Variants in LARS2 observed in about 807,000 individuals in gnomAD.
LARS2 encodes the protein leucyl-tRNA synthetase 2, mitochondrial, also known as leucine--tRNA ligase, mitochondrial.
Under a neutral mutation model 116.6 loss-of-function variants are expected in LARS2, and 81 were observed. The observed-to-expected ratio is 0.69, with a 90% CI of 0.58 to 0.84. LARS2 has a LOEUF of 0.84. Ranked by LOEUF, LARS2 falls within the 40% of genes least tolerant of loss-of-function variation. LARS2 has a pLI of 0.00. For missense variants in LARS2, 968 were observed against 1,114.5 expected, an observed-to-expected ratio of 0.87 and a Z score of 1.87; for synonymous variants, 396 against 407.2, an observed-to-expected ratio of 0.97 and a Z score of 0.33.
chr3:45,502,422 T>G (rs76352071), intron 15 of LARS2, among the ~76,000 whole-genome samples: 1,668 of 152,248 alleles, frequency 0.011, 28 homozygotes, highest in African/African-American at 0.038. Flanking sequence ...TGGCTACTGC[T>G]TTCGGTGTGT....
intron 6 of LARS2, among the ~76,000 whole-genome samples, chr3:45,433,180 A>G (rs1698747154): frequency 6.6e-6 from 1 of 152,014 alleles, no homozygotes; most frequent in Non-Finnish European, 1.5e-5. Flanking sequence ...TAAATTGAAA[A>G]CAGTTGGGTC....
intron 21 of LARS2, among the ~76,000 whole-genome samples, chr3:45,543,081 C>T (rs1042618985): frequency 1.2e-4 from 19 of 152,200 alleles, no homozygotes; most frequent in African/African-American, 3.1e-4. Context: ...CCCAGGAGAC[C>T]GGGCTCCTTC....
chr3:45,526,195 C>A (rs1407095590), intron 20 of LARS2, among the ~76,000 whole-genome samples: 2 of 152,160 alleles, frequency 1.3e-5, no homozygotes, highest in African/African-American at 2.4e-5. Context: ...ATGTTAGAAA[C>A]CTCTTTATAC....
chr3:45,455,563 C>T (rs560918197), intron 7 of LARS2, among the ~76,000 whole-genome samples: 50 of 152,024 alleles, frequency 3.3e-4, no homozygotes, highest in African/African-American at 1.1e-3. Flanking sequence ...ATTGCTATAG[C>T]CATTATGGAA....
intron 6 of LARS2, among the ~76,000 whole-genome samples, chr3:45,429,740 C>T (rs549858389): frequency 2.7e-4 from 32 of 119,148 alleles, no homozygotes; most frequent in South Asian, 1.4e-3. Flanking sequence ...TTTGCTCTGT[C>T]GCCCAGGCTG....
intron 4 of LARS2, among the ~76,000 whole-genome samples, chr3:45,407,606 A>G (rs779027788): frequency 6.6e-6 from 1 of 152,196 alleles, no homozygotes; most frequent in Non-Finnish European, 1.5e-5. Context: ...AAAATTAAAT[A>G]TTGTGTTTCT....
chr3:45,442,179 C>G (rs1232862160), intron 6 of LARS2, among the ~76,000 whole-genome samples: 1 of 152,166 alleles, frequency 6.6e-6, no homozygotes, highest in Non-Finnish European at 1.5e-5. Flanking sequence ...AAGGAAAAGA[C>G]TTTTTATTTG....
chr3:45,509,818 C>T (rs1308751723), intron 15 of LARS2, among the ~76,000 whole-genome samples: 1 of 151,928 alleles, frequency 6.6e-6, no homozygotes, highest in Non-Finnish European at 1.5e-5. Flanking sequence ...TGGGAAATTC[C>T]ATGTGAGCAC....
At chr3:45,404,422 AAG>A (rs1191753406) in intron 4 of LARS2, among the ~76,000 whole-genome samples, 1 of 152,174 alleles carries the variant, frequency 6.6e-6, no homozygotes, top group African/African-American at 2.4e-5. Flanking sequence ...ATGTGAAAGA[AAG>A]TCTGTTGAGC....
intron 15 of LARS2, among the ~76,000 whole-genome samples, 153 bp downstream of exon 15, chr3:45,500,732 C>CA (rs1700104047): frequency 6.6e-6 from 1 of 152,162 alleles, no homozygotes; most frequent in Admixed American, 6.5e-5. Context: ...ATTTGAGGTC[C>CA]ATTTATATTG....
intron 4 of LARS2, among the ~76,000 whole-genome samples, chr3:45,409,426 AG>A (rs1477942619): frequency 6.6e-6 from 1 of 152,190 alleles, no homozygotes; most frequent in Non-Finnish European, 1.5e-5. Flanking sequence ...ATGTATCTAG[AG>A]GTATTTGATC....
rs532385565 is a variant in LARS2 at position 45,513,859 on chromosome 3, G to A, written c.1861+624G>A. ...GATCACAAGATCTTCAGGTGCCATG[G>A]TGAGGATGTATCACGTGCACCCAGC... On this transcript the variant is annotated intron_variant, in intron 16 of 21. Coordinates refer to ENST00000645846, the MANE Select transcript of LARS2 (RefSeq NM_015340.4). 1.4e-4 allele frequency among the ~76,000 whole-genome samples: 21 copies of A among 152,236 alleles called. No homozygotes were observed. The East Asian group carries it at 3.7e-3, about 27-fold the overall frequency.
intron 1 of LARS2, among the ~76,000 whole-genome samples, chr3:45,390,739 G>A (rs1030762714): frequency 6.6e-6 from 1 of 151,026 alleles, no homozygotes; most frequent in Admixed American, 6.6e-5. Flanking sequence ...TGCAAGCTCC[G>A]CCTCCCGGGT....
chr3:45,420,263 C>T (rs1559463015), intron 6 of LARS2, among the ~76,000 whole-genome samples: 1 of 152,210 alleles, frequency 6.6e-6, no homozygotes, highest in African/African-American at 2.4e-5. Flanking sequence ...GGAAAGCCAC[C>T]TGGCTGTTTG....
chr3:45,446,309 T>A (rs1159012949), intron 6 of LARS2, among the ~76,000 whole-genome samples: 1 of 152,244 alleles, frequency 6.6e-6, no homozygotes, highest in South Asian at 2.1e-4. Context: ...CTTGGAAATA[T>A]AAACCAAGTG....
rs116151589 is a variant in LARS2 at position 45,490,469 on chromosome 3, G to A, written c.1240-1048G>A. On this transcript the variant is annotated intron_variant, in intron 12 of 21. Coordinates refer to ENST00000645846, the MANE Select transcript of LARS2 (RefSeq NM_015340.4). ...GAAGGAGAATGGCTGGGGAAAAGCC[G>A]CTTTCATCTATGAGCTTCTGGAATG... is the stretch of plus-strand genomic sequence containing the variant. Among the ~76,000 whole-genome samples the A allele has an allele frequency of 2.9e-3, 446 of 152,252 alleles. 2 individuals are homozygous for A. Among genetic ancestry groups the A allele is most frequent in the African/African-American group, 0.01 (419 of 41,548 alleles).
At chr3:45,474,603 TAAAG>T (rs759528816) in intron 9 of LARS2, among the ~76,000 whole-genome samples, 1 of 152,218 alleles carries the variant, frequency 6.6e-6, no homozygotes, top group Non-Finnish European at 1.5e-5. Context: ...AATGATTTAT[TAAAG>T]AAAGAGTTTA....
At chr3:45,438,005 G>A (rs1357912390) in intron 6 of LARS2, among the ~76,000 whole-genome samples, 1 of 152,136 alleles carries the variant, frequency 6.6e-6, no homozygotes, top group Non-Finnish European at 1.5e-5. Context: ...TAAGGGGAGA[G>A]CAGGAGGGCC....
chr3:45,506,368 T>C (rs1559491417), intron 15 of LARS2, among the ~76,000 whole-genome samples: 1 of 152,080 alleles, frequency 6.6e-6, no homozygotes, highest in Non-Finnish European at 1.5e-5. Context: ...AATCACCCAC[T>C]TTCTGAGATG....
Sources: allele counts gnomAD v4.1 joint callset (sites outside exome capture counted in the v4.1 genomes callset), GRCh38; gene constraint gnomAD v4.1.1; transcripts MANE v1.5; gene names NCBI Gene and HGNC (gene_info 2026-07-23, HGNC 2026-07-21).